Variants in FBN2 observed in about 807,000 individuals in gnomAD.
The protein encoded by FBN2 is fibrillin 2.
Under a neutral mutation model 355.6 loss-of-function variants are expected in FBN2, and 105 were observed. That is an observed-to-expected ratio of 0.30 (90% CI 0.25 to 0.35). The LOEUF (loss-of-function observed/expected upper bound fraction) is 0.35. Among genes scored for constraint, FBN2 ranks in the 10% least tolerant of loss-of-function variants. The probability of loss-of-function intolerance (pLI) is 1.00; values close to 1 mark genes in which losing one functional copy is unlikely to be tolerated. For missense variants in FBN2, 3,280 were observed against 3,758.7 expected (o/e 0.87, Z 3.33); for synonymous variants, 1,350 against 1,301.2 (o/e 1.04, Z -0.81).
chr5:128,318,086 T>C, intron 36 of FBN2, 63 bp downstream of exon 36: 1 of 1,549,612 alleles, frequency 6.5e-7, no homozygotes, highest in Non-Finnish European at 8.9e-7. Context: ...CGGTTCATTA[T>C]CAAGAGAGTC....
chr5:128,391,914 G>T, intron 11 of FBN2, 104 bp downstream of exon 11: 1 of 1,034,706 alleles, frequency 9.7e-7, no homozygotes, highest in Non-Finnish European at 1.5e-6. Flanking sequence ...GAAATTAGCT[G>T]TATTTCAAAA....
chr5:128,333,839 T>TCACA (rs368334500), intron 31 of FBN2, among the ~76,000 whole-genome samples: 4,465 of 122,848 alleles, frequency 0.036, 95 homozygotes, highest in Admixed American at 0.091. Flanking sequence ...GATGCTGAAA[T>TCACA]CACACACACA....
intron 5 of FBN2, among the ~76,000 whole-genome samples, chr5:128,469,591 A>AT (rs1754803226): frequency 6.6e-6 from 1 of 151,956 alleles, no homozygotes; most frequent in African/African-American, 2.4e-5. Flanking sequence ...ACAAGCTTAT[A>AT]TTTGTATTCT....
Position 128,286,850 on chromosome 5 carries a change from C to T in FBN2, c.6881-1G>A. 6.2e-7 allele frequency: 1 copy of T among 1,613,888 alleles called. No individual in the cohort carries two copies. The highest frequency in any genetic ancestry group is 8.5e-7 in the Non-Finnish European group (1 of 1,179,842). ...AACCCTTCAGCACATTCATCCAGATCTAGAACAAAAAATAAAAATTAAAAA... is the reference window on the plus strand; with the variant it reads ...AACCCTTCAGCACATTCATCCAGATTTAGAACAAAAAATAAAAATTAAAAA... On this transcript the variant is annotated splice_acceptor_variant, in intron 54 of 64. Transcript: ENST00000262464. LOFTEE classifies it high-confidence loss of function.
chr5:128,259,867 T>C, intron 64 of FBN2, 38 bp from the exon 65 acceptor site: 1 of 1,610,588 alleles, frequency 6.2e-7, no homozygotes, highest in Non-Finnish European at 8.5e-7. Flanking sequence ...GACAAGCTTC[T>C]ACAGCACAAG....
chr5:128,346,854 G>GA (rs911983868), intron 23 of FBN2, among the ~76,000 whole-genome samples: 2 of 152,064 alleles, frequency 1.3e-5, no homozygotes, highest in Non-Finnish European at 2.9e-5. Flanking sequence ...TATTTTTAAG[G>GA]AAAAAATAAC....
intron 41 of FBN2, among the ~76,000 whole-genome samples, chr5:128,308,710 T>A (rs1303207588): frequency 6.6e-6 from 1 of 152,186 alleles, no homozygotes; most frequent in Non-Finnish European, 1.5e-5. Flanking sequence ...GAAGACAAGC[T>A]CTATTTTTTG....
Position 128,369,191 on chromosome 5 carries a change from T to C in FBN2, c.2239A>G (p.Lys747Glu). Residue 747 changes from lysine (K) to glutamate (E), a missense_variant, in exon 16 of 65, where the codon AAA becomes GAA. Around this residue, in one of 6 missense-constraint regions of FBN2, gnomAD observed 2,284 missense variants for 2,749.5 expected, o/e 0.83. Transcript: ENST00000262464. ...FGEPCQPCPA[K>E]NSAEFHGLCS... Reference sequence around the variant, plus strand: ...TGGCACATGTGACTACCTGAATTTTTTGCAGGGCATGGCTGGCAGGGTTCT... The same window carrying C: ...TGGCACATGTGACTACCTGAATTTTCTGCAGGGCATGGCTGGCAGGGTTCT... The C allele has an allele frequency of 6.2e-7, 1 of 1,614,164 alleles. No individual in the cohort carries two copies. The highest frequency in any genetic ancestry group is 8.5e-7 in the Non-Finnish European group (1 of 1,180,022).
intron 7 of FBN2, among the ~76,000 whole-genome samples, chr5:128,432,293 G>C (rs145052326): frequency 6.6e-6 from 1 of 151,718 alleles, no homozygotes; most frequent in African/African-American, 2.4e-5. Flanking sequence ...CTATTTGTCC[G>C]TGGGCCACTT....
Position 128,312,726 on chromosome 5 carries a change from T to G in FBN2, c.4787A>C (p.Glu1596Ala). ...RGDGSLSCNT[E>A]IGVGVSRSSC... Reference sequence around the variant, plus strand: ...AGAGCGACTGACGCCCACCCCGATCTCGGTGTTGCAAGACAGACTCCCATC... The same window carrying G: ...AGAGCGACTGACGCCCACCCCGATCGCGGTGTTGCAAGACAGACTCCCATC... Residue 1596 changes from glutamate (E) to alanine (A), a missense_variant, in exon 37 of 65, where the codon GAG (glutamate) becomes GCG (alanine). Glu to Ala is a moderately radical substitution (Grantham distance 107). Around this residue, in one of 6 missense-constraint regions of FBN2, gnomAD observed 2,284 missense variants for 2,749.5 expected, o/e 0.83. Transcript: ENST00000262464. 1 of 1,614,000 alleles carries G rather than the reference T, an allele frequency of 6.2e-7. No homozygotes were observed. Among genetic ancestry groups the G allele is most frequent in the South Asian group, 1.1e-5 (1 of 91,066 alleles).
intron 2 of FBN2, among the ~76,000 whole-genome samples, chr5:128,534,442 G>A (rs1756792794): frequency 6.6e-6 from 1 of 152,154 alleles, no homozygotes; most frequent in African/African-American, 2.4e-5. Flanking sequence ...GTATTACACT[G>A]TCCCTATTTT....
At position 128,442,575 on chromosome 5, in the gene FBN2, A is replaced by G. The variant is rs1046556571; in HGVS notation, c.952+3906T>C. 6.6e-5 allele frequency among the ~76,000 whole-genome samples: 10 copies of G among 152,090 alleles called. 1 individual carries two copies. The highest frequency in any genetic ancestry group is 6.5e-4 in the Admixed American group (10 of 15,284). ...ATGTGAAGAAATGGTTTATTCCACC[A>G]AAGAATAATTTTATCCGCTGTATTA... On this transcript the variant is annotated intron_variant, in intron 7 of 64. Transcript: ENST00000262464.
At position 128,496,086 on chromosome 5, in the gene FBN2, T is replaced by C. The variant is rs567880303; in HGVS notation, c.628+23187A>G. ...AAGAAAGGCCCAGGCCCAGATGGCTTTACTGGTAAATTCTACCAAACATTT... is the reference window on the plus strand; with the variant it reads ...AAGAAAGGCCCAGGCCCAGATGGCTCTACTGGTAAATTCTACCAAACATTT... On this transcript the variant is annotated intron_variant, in intron 5 of 64. Coordinates refer to ENST00000262464, the MANE Select transcript of FBN2 (RefSeq NM_001999.4). Among the ~76,000 whole-genome samples, 6 of 152,226 alleles carry C rather than the reference T, an allele frequency of 3.9e-5. No individual in the cohort carries two copies. The East Asian group carries it at 1.2e-3, about 29-fold the overall frequency.
intron 55 of FBN2, 80 bp downstream of exon 55, chr5:128,286,638 A>G: frequency 6.5e-7 from 1 of 1,533,216 alleles, no homozygotes; most frequent in Non-Finnish European, 9.0e-7. Flanking sequence ...GCTTGCAGTT[A>G]AGATGATGTG....
chr5:128,342,078 G>A (rs1751037890), intron 25 of FBN2, among the ~76,000 whole-genome samples: 1 of 152,100 alleles, frequency 6.6e-6, no homozygotes, highest in African/African-American at 2.4e-5. Flanking sequence ...ATGTGGGAGT[G>A]AAACTCAGGA....
chr5:128,469,740 T>C (rs539028939), intron 5 of FBN2, among the ~76,000 whole-genome samples: 10 of 152,280 alleles, frequency 6.6e-5, no homozygotes, highest in Admixed American at 3.9e-4. Flanking sequence ...CGGGTGAATG[T>C]GTTAATGTGG....
intron 7 of FBN2, among the ~76,000 whole-genome samples, chr5:128,424,821 G>C (rs1196963463): frequency 6.6e-6 from 1 of 152,124 alleles, no homozygotes; most frequent in Non-Finnish European, 1.5e-5. Context: ...ATGGTGGCAA[G>C]AGGCAGCTCC....
chr5:128,440,922 T>C (rs1753901134), intron 7 of FBN2, among the ~76,000 whole-genome samples: 1 of 152,184 alleles, frequency 6.6e-6, no homozygotes, highest in Non-Finnish European at 1.5e-5. Flanking sequence ...AAAGGCTCCA[T>C]GGAAACCAGC....
intron 16 of FBN2, among the ~76,000 whole-genome samples, chr5:128,367,544 T>G (rs570502132): frequency 2.0e-4 from 31 of 152,284 alleles, no homozygotes; most frequent in African/African-American, 7.0e-4. Flanking sequence ...TTTTACTATT[T>G]AGGCCTGCTT....
Sources: gnomAD v4.1 joint callset for allele counts (sites outside exome capture counted in the v4.1 genomes callset) on GRCh38, gnomAD v4.1.1 for gene constraint, gnomAD v4.1.1 regional missense constraint, MANE v1.5 for transcripts, NCBI Gene and HGNC (gene_info 2026-07-23, HGNC 2026-07-21) for gene names.